KCNQ1: variants seen among roughly 807,000 people sequenced by gnomAD.
The protein encoded by KCNQ1 is potassium voltage-gated channel subfamily Q member 1.
A neutral mutation model predicts 72.4 loss-of-function variants in KCNQ1; 49 were observed. That is an observed-to-expected ratio of 0.68 (90% CI 0.54 to 0.86). KCNQ1 has a LOEUF of 0.86. KCNQ1 is among the 40% of genes least tolerant of loss of function. The probability of loss-of-function intolerance (pLI) is 0.00; values close to 1 mark genes in which losing one functional copy is unlikely to be tolerated. For missense variants in KCNQ1, 790 were observed against 945.1 expected, an observed-to-expected ratio of 0.84 and a Z score of 2.15; for synonymous variants, 450 against 412.6, an observed-to-expected ratio of 1.09 and a Z score of -1.10.
Position 2,587,630 on chromosome 11 carries a change from C to T in KCNQ1, c.1189C>T (p.Arg397Trp), listed in dbSNP as rs199472776. 355 of 1,613,988 alleles carry T rather than the reference C, an allele frequency of 2.2e-4. No homozygotes were observed. Among genetic ancestry groups the T allele is most frequent in the Middle Eastern group, 3.3e-4 (2 of 6,062 alleles). The change falls in exon 9 of 16, where the codon CGG becomes TGG. Residue 397 changes from arginine to tryptophan, a missense_variant. Physicochemically the swap from Arg to Trp is moderately radical, Grantham distance 101 (BLOSUM62 -3). This residue lies in a region of KCNQ1 where 178 missense variants were observed against 177.9 expected (regional missense o/e 1.00). Coordinates refer to ENST00000155840, the MANE Select transcript of KCNQ1 (RefSeq NM_000218.3). ...CTCCTCCACCTGGAAGATCTACATC[C>T]GGAAGGCCCCCCGGAGCCACACTCT... is the stretch of plus-strand genomic sequence containing the variant. ...PDSSTWKIYI[R>W]KAPRSHTLLS...
intron 8 of KCNQ1, among the ~76,000 whole-genome samples, chr11:2,586,963 T>C (rs1401506489): frequency 6.6e-6 from 1 of 151,852 alleles, no homozygotes; most frequent in East Asian, 2.0e-4. Flanking sequence ...CCTCCCACCC[T>C]TCCCTTGTGG....
chr11:2,730,948 C>T (rs992838188), intron 11 of KCNQ1, among the ~76,000 whole-genome samples: 2 of 152,194 alleles, frequency 1.3e-5, no homozygotes, highest in Admixed American at 1.3e-4. Flanking sequence ...AATGAGAGCC[C>T]CGGCCCAGCC....
Position 2,477,003 on chromosome 11 carries a change from A to G in KCNQ1, c.386+31519A>G, listed in dbSNP as rs1037646400. ...TGCACCCAGCCCAGTTTTTAATGTGACAGTACTTTGTAAAATTGTACTCCA... is the reference window on the plus strand; with the variant it reads ...TGCACCCAGCCCAGTTTTTAATGTGGCAGTACTTTGTAAAATTGTACTCCA... On this transcript the variant is annotated intron_variant, in intron 1 of 15. Coordinates refer to ENST00000155840, the MANE Select transcript of KCNQ1 (RefSeq NM_000218.3). The surrounding 1 kb of genome is among the most constrained non-coding windows in gnomAD (Gnocchi z 5.0). 2.0e-5 allele frequency among the ~76,000 whole-genome samples: 3 copies of G among 152,254 alleles called. No individual in the cohort carries two copies. The highest frequency in any genetic ancestry group is 7.2e-5 in the African/African-American group (3 of 41,470).
Position 2,762,717 on chromosome 11 carries a change from T to C in KCNQ1, c.1515-6127T>C, listed in dbSNP as rs1413510918. Among the ~76,000 whole-genome samples the C allele has an allele frequency of 2.0e-5, 3 of 152,226 alleles. No homozygotes were observed. Among genetic ancestry groups the C allele is most frequent in the Non-Finnish European group, 4.4e-5 (3 of 68,038 alleles). On this transcript the variant is annotated intron_variant, in intron 11 of 15. Transcript: ENST00000155840. The surrounding 1 kb of genome is among the most constrained non-coding windows in gnomAD (Gnocchi z 4.3). Reference sequence around the variant, plus strand: ...GCGCGAACCCTGTTGTGAATGCACATGTGAGGGGTCTAGGCTGTGTACTCC... The same window carrying C: ...GCGCGAACCCTGTTGTGAATGCACACGTGAGGGGTCTAGGCTGTGTACTCC...
intron 12 of KCNQ1, among the ~76,000 whole-genome samples, chr11:2,774,171 A>G (rs1490613434): frequency 1.3e-5 from 2 of 152,234 alleles, no homozygotes; most frequent in East Asian, 3.8e-4. Context: ...CAGAAGAGAG[A>G]AGAAGGACTT....
At chr11:2,814,214 A>AGATGGAGAGATGCATGAATGGG (rs1847558420) in intron 15 of KCNQ1, among the ~76,000 whole-genome samples, 2 of 143,410 alleles carry the variant, frequency 1.4e-5, no homozygotes, top group African/African-American at 5.9e-5. Context: ...GCATGAATGG[A>AGATGGAGAGATGCATGAATGGG]TAGAGGTGGA....
In KCNQ1 at chr11:2,564,357, G is replaced by A. The variant is rs1049383041; in HGVS notation, c.478-6271G>A. On this transcript the variant is annotated intron_variant, in intron 2 of 15. Coordinates refer to ENST00000155840, the MANE Select transcript of KCNQ1 (RefSeq NM_000218.3). The surrounding 1 kb of genome is among the most constrained non-coding windows in gnomAD (Gnocchi z 4.5). Reference sequence around the variant, plus strand: ...GCCTGCAATCCCAGCACTTTGGAAGGCTGAGGCGGGCGGATCACCTGAGGT... The same window carrying A: ...GCCTGCAATCCCAGCACTTTGGAAGACTGAGGCGGGCGGATCACCTGAGGT... Among the ~76,000 whole-genome samples the A allele has an allele frequency of 6.6e-6, 1 of 152,178 alleles. No individual in the cohort carries two copies. The highest frequency in any genetic ancestry group is 1.5e-5 in the Non-Finnish European group (1 of 68,036).
chr11:2,531,182 CT>C (rs1472432902), intron 2 of KCNQ1, among the ~76,000 whole-genome samples: 1 of 142,180 alleles, frequency 7.0e-6, no homozygotes, highest in African/African-American at 2.8e-5. Flanking sequence ...GTGCCCTGGG[CT>C]CCACATGCCC....
intron 10 of KCNQ1, chr11:2,636,534 C>T (rs1218969463): frequency 6.6e-6 from 1 of 152,132 alleles, no homozygotes; most frequent in African/African-American, 2.4e-5. Flanking sequence ...AGGGATGAAG[C>T]CCACTTGATC....
intron 8 of KCNQ1, among the ~76,000 whole-genome samples, chr11:2,585,907 G>T (rs759276371): frequency 7.2e-5 from 11 of 152,208 alleles, no homozygotes; most frequent in South Asian, 6.2e-4. Context: ...TGGGATGCTG[G>T]GCTCTGGCTC....
chr11:2,683,455 T>A lies in KCNQ1; in HGVS notation c.1514+21374T>A, dbSNP rs781443994. On this transcript the variant is annotated intron_variant, in intron 11 of 15. Transcript: ENST00000155840. The surrounding 1 kb of genome is among the most constrained non-coding windows in gnomAD (Gnocchi z 4.7). ...TAACTGGAAAAATGTAGGAATTACA[T>A]ATGATTCCATCAATGACAGTTTTCC... 5.0e-6 allele frequency: 2 copies of A among 398,660 alleles called. No homozygotes were observed. Among genetic ancestry groups the A allele is most frequent in the Non-Finnish European group, 8.8e-6 (2 of 226,068 alleles). The allele number at this position is 398,660 out of a possible 1,614,324, so 24.7% of individuals were successfully genotyped here.
At chr11:2,741,560 G>C (rs1490350807) in intron 11 of KCNQ1, among the ~76,000 whole-genome samples, 2 of 152,110 alleles carry the variant, frequency 1.3e-5, no homozygotes, top group Non-Finnish European at 2.9e-5. Flanking sequence ...AGCCCTCCCA[G>C]CTCACCCTCT....
chr11:2,577,999 C>G (rs1848447790), intron 6 of KCNQ1, among the ~76,000 whole-genome samples: 1 of 152,230 alleles, frequency 6.6e-6, no homozygotes. Flanking sequence ...CTGCCCTGTC[C>G]TGAGGAGTGC....
chr11:2,660,884 A>C (rs185380746), intron 10 of KCNQ1: 1 of 398,662 alleles, frequency 2.5e-6, no homozygotes, highest in Admixed American at 4.4e-5. Context: ...ATATGGCATC[A>C]TAGTCTGAAT....
In KCNQ1 at chr11:2,613,605, C is replaced by T; in HGVS notation, c.1393+24751C>T. ...ATTAGCACTTTTCAATTTTATATTT[C>T]TTTGTCCAGTTTTATCATTGCTTTT... On this transcript the variant is annotated intron_variant, in intron 10 of 15. Transcript: ENST00000155840. This position sits in a 1 kb window ranked among gnomAD's most constrained non-coding sequence, Gnocchi z 4.8. 1 of 398,516 alleles carries T rather than the reference C, an allele frequency of 2.5e-6. No individual in the cohort carries two copies. The highest frequency in any genetic ancestry group is 4.4e-6 in the Non-Finnish European group (1 of 226,032). The allele number at this position is 398,516 out of a possible 1,614,324, so 24.7% of individuals were successfully genotyped here.
chr11:2,777,102 G>A, intron 14 of KCNQ1, 70 bp downstream of exon 14: 3 of 1,474,972 alleles, frequency 2.0e-6, no homozygotes, highest in Admixed American at 1.7e-5. Flanking sequence ...CTGCCCTCCT[G>A]GCTCTCCCCA....
In KCNQ1 at chr11:2,754,496, T is replaced by G. The variant is rs181348300; in HGVS notation, c.1515-14348T>G. On this transcript the variant is annotated intron_variant, in intron 11 of 15. Coordinates refer to ENST00000155840, the MANE Select transcript of KCNQ1 (RefSeq NM_000218.3). Reference sequence around the variant, plus strand: ...AGGATGTGGAAGAGGCTATACTAACTAAGATGTTGCAGTGTAGGCACAAGG... The same window carrying G: ...AGGATGTGGAAGAGGCTATACTAACGAAGATGTTGCAGTGTAGGCACAAGG... Among the ~76,000 whole-genome samples, 411 of 152,342 alleles carry G rather than the reference T, an allele frequency of 2.7e-3. 3 individuals carry two copies. Among genetic ancestry groups the G allele is most frequent in the African/African-American group, 9.6e-3 (398 of 41,578 alleles).
At position 2,674,994 on chromosome 11, in the gene KCNQ1, C is replaced by A; in HGVS notation, c.1514+12913C>A. The A allele has an allele frequency of 7.5e-6, 3 of 398,548 alleles. No homozygotes were observed. Among genetic ancestry groups the A allele is most frequent in the Admixed American group, 4.4e-5 (1 of 22,722 alleles). 24.7% of individuals were successfully genotyped at this position (398,548 alleles called of 1,614,324 possible). A position where few individuals can be genotyped will look rare whatever the true frequency, so the allele number is the denominator to read the frequency against. On this transcript the variant is annotated intron_variant, in intron 11 of 15. Coordinates refer to ENST00000155840, the MANE Select transcript of KCNQ1 (RefSeq NM_000218.3). This position sits in a 1 kb window ranked among gnomAD's most constrained non-coding sequence, Gnocchi z 5.9. ...GTTTCCTCTTACAGTGGCGGGCACT[C>A]AGCCGGCTTCTTCCCGCCTGACTTC...
At position 2,564,257 on chromosome 11, in the gene KCNQ1, C is replaced by T. The variant is rs1049584257; in HGVS notation, c.478-6371C>T. Among the ~76,000 whole-genome samples the T allele has an allele frequency of 6.6e-6, 1 of 152,184 alleles. No homozygotes were observed. The highest frequency in any genetic ancestry group is 1.5e-5 in the Non-Finnish European group (1 of 68,020). On this transcript the variant is annotated intron_variant, in intron 2 of 15. Transcript: ENST00000155840. This position sits in a 1 kb window ranked among gnomAD's most constrained non-coding sequence, Gnocchi z 4.5. The stretch of plus-strand genomic sequence containing the variant: ...TCAAAAGGAAAACCATCCCCATTGC[C>T]CTTCTCCTAGTTCCTGACAAACATG...
Sources: gnomAD v4.1 joint callset for allele counts (sites outside exome capture counted in the v4.1 genomes callset) on GRCh38, gnomAD v4.1.1 for gene constraint, gnomAD v4.1.1 regional missense constraint, Gnocchi (gnomAD v3.1) non-coding constraint, MANE v1.5 for transcripts, NCBI Gene and HGNC (gene_info 2026-07-23, HGNC 2026-07-21) for gene names.